RAB15: variants seen among roughly 807,000 people sequenced by gnomAD.
RAB15 encodes RAB15, member RAS oncogene family.
Under a neutral mutation model 31.8 loss-of-function variants are expected in RAB15, and 13 were observed. The observed-to-expected ratio is 0.41, with a 90% confidence interval of 0.27 to 0.65. The LOEUF is 0.65. RAB15 is among the 30% of genes least tolerant of loss of function. RAB15 has a pLI of 0.32. For synonymous variants in RAB15, 100 were observed against 105.6 expected, an observed-to-expected ratio of 0.95 and a Z score of 0.33; for missense variants, 220 against 277.3, an observed-to-expected ratio of 0.79 and a Z score of 1.47.
rs1016997961 is a variant in RAB15 at position 64,955,087 on chromosome 14, G to C, written c.125-2516C>G. 3.3e-5 allele frequency among the ~76,000 whole-genome samples: 5 copies of C among 152,130 alleles called. No individual in the cohort carries two copies. Among genetic ancestry groups the C allele is most frequent in the African/African-American group, 1.2e-4 (5 of 41,498 alleles). ...ATTCCGGGGCTCGCAGCACTCCCCG[G>C]CCTCACACACACCCCACCATCTTGC... On this transcript the variant is annotated intron_variant, in intron 1 of 6. Transcript: ENST00000533601. This position sits in a 1 kb window ranked among gnomAD's most constrained non-coding sequence, Gnocchi z 4.4.
intron 1 of RAB15, among the ~76,000 whole-genome samples, chr14:64,963,074 G>T (rs1296673377): frequency 6.6e-6 from 1 of 150,548 alleles, no homozygotes; most frequent in Non-Finnish European, 1.5e-5. Flanking sequence ...TAAGTATATG[G>T]AGTAGATAAT....
At chr14:64,967,605 A>G (rs2140002783) in intron 1 of RAB15, among the ~76,000 whole-genome samples, 1 of 150,340 alleles carries the variant, frequency 6.7e-6, no homozygotes, top group Admixed American at 6.6e-5. Flanking sequence ...AAAATAGAAA[A>G]GAAAAGAAAA....
chr14:64,953,960 AT>A lies in RAB15; in HGVS notation c.125-1390del. On this transcript the variant is annotated intron_variant, in intron 1 of 6. Transcript: ENST00000533601. This position sits in a 1 kb window ranked among gnomAD's most constrained non-coding sequence, Gnocchi z 4.6. ...CTGCCACTCCACCTCCGCATCAGTTATTTGCCAAATGGGAGACATCTTCCCT... is the reference window on the plus strand; with the variant it reads ...CTGCCACTCCACCTCCGCATCAGTTATTGCCAAATGGGAGACATCTTCCCT... 2.0e-6 allele frequency: 2 copies of A among 985,398 alleles called. No homozygotes were observed. Among genetic ancestry groups the A allele is most frequent in the Non-Finnish European group, 2.4e-6 (2 of 829,918 alleles). The allele number at this position is 985,398 out of a possible 1,614,324, so 61.0% of individuals were successfully genotyped here. A position where few individuals can be genotyped will look rare whatever the true frequency, so the allele number is the denominator to read the frequency against.
At chr14:64,965,382 C>T (rs1246268329) in intron 1 of RAB15, among the ~76,000 whole-genome samples, 1 of 152,048 alleles carries the variant, frequency 6.6e-6, no homozygotes, top group Non-Finnish European at 1.5e-5. Context: ...TCGCTTGAAC[C>T]CGGGAGACAG....
At chr14:64,967,186 C>A (rs948537181) in intron 1 of RAB15, among the ~76,000 whole-genome samples, 2 of 152,218 alleles carry the variant, frequency 1.3e-5, no homozygotes, top group Admixed American at 6.5e-5. Flanking sequence ...AACCAGATCA[C>A]CCTCCTCCTC....
chr14:64,964,567 CT>C (rs1158287066), intron 1 of RAB15, among the ~76,000 whole-genome samples: 1 of 150,936 alleles, frequency 6.6e-6, no homozygotes, highest in East Asian at 1.9e-4. Context: ...AAACAAACCA[CT>C]TTTTTTTGTT....
At position 64,953,405 on chromosome 14, in the gene RAB15, G is replaced by A. The variant is rs116752909; in HGVS notation, c.125-834C>T. Among the ~76,000 whole-genome samples the A allele has an allele frequency of 1.3e-3, 198 of 152,316 alleles. 1 individual carries two copies. Among genetic ancestry groups the A allele is most frequent in the African/African-American group, 4.6e-3 (191 of 41,566 alleles). On this transcript the variant is annotated intron_variant, in intron 1 of 6. Coordinates refer to ENST00000533601, the MANE Select transcript of RAB15 (RefSeq NM_001308154.2). This position sits in a 1 kb window ranked among gnomAD's most constrained non-coding sequence, Gnocchi z 4.6. The stretch of plus-strand genomic sequence containing the variant: ...TTGACTGCAGCTGTCATGAGCTAGT[G>A]CAGGGCCGGGTACATGCGGGTGCTT...
chr14:64,967,201 A>G (rs2140002042), intron 1 of RAB15, among the ~76,000 whole-genome samples: 1 of 152,322 alleles, frequency 6.6e-6, no homozygotes, highest in Middle Eastern at 3.4e-3. Context: ...CTCCTCACCC[A>G]GAAGGAGTGT....
At position 64,947,791 on chromosome 14, in the gene RAB15, G is replaced by C. The variant is rs995249508; in HGVS notation, c.*563C>G. On this transcript the variant is annotated 3_prime_UTR_variant, in exon 7 of 7. Transcript: ENST00000533601. This position sits in a 1 kb window ranked among gnomAD's most constrained non-coding sequence, Gnocchi z 5.6. ...AGCCTTTGGCCCACCCACGAGGCAGGGTGGAGGGTTCTTCCTGGATCCAAG... is the reference window on the plus strand; with the variant it reads ...AGCCTTTGGCCCACCCACGAGGCAGCGTGGAGGGTTCTTCCTGGATCCAAG... 1.3e-5 allele frequency: 2 copies of C among 152,426 alleles called. No individual in the cohort carries two copies. Among genetic ancestry groups the C allele is most frequent in the Non-Finnish European group, 2.9e-5 (2 of 68,190 alleles). 9.4% of individuals were successfully genotyped at this position (152,426 alleles called of 1,614,324 possible).
At chr14:64,956,422 AAAAG>A (rs1360210380) in intron 1 of RAB15, among the ~76,000 whole-genome samples, 28 of 151,684 alleles carry the variant, frequency 1.8e-4, no homozygotes, top group African/African-American at 6.1e-4. Flanking sequence ...AAAAAAAAAA[AAAAG>A]AAAAGAAAGG....
intron 1 of RAB15, among the ~76,000 whole-genome samples, chr14:64,969,821 CAGA>C (rs1396007980): frequency 2.6e-5 from 4 of 152,094 alleles, no homozygotes; most frequent in African/African-American, 9.7e-5. Flanking sequence ...CACCTATTAG[CAGA>C]AGGTGTCTAA....
chr14:64,970,117 G>A lies in RAB15; in HGVS notation c.124+1836C>T, dbSNP rs1473703054. Among the ~76,000 whole-genome samples the A allele has an allele frequency of 6.6e-6, 1 of 152,180 alleles. No individual in the cohort carries two copies. Among genetic ancestry groups the A allele is most frequent in the Non-Finnish European group, 1.5e-5 (1 of 68,028 alleles). ...TTGGAATGGGACTAGGAGAGCAGGTGCAAACAACAGCTCTTCAGGCCAAAG... is the reference window on the plus strand; with the variant it reads ...TTGGAATGGGACTAGGAGAGCAGGTACAAACAACAGCTCTTCAGGCCAAAG... On this transcript the variant is annotated intron_variant, in intron 1 of 6. Coordinates refer to ENST00000533601, the MANE Select transcript of RAB15 (RefSeq NM_001308154.2). The surrounding 1 kb of genome is among the most constrained non-coding windows in gnomAD (Gnocchi z 4.1).
chr14:64,954,559 G>C lies in RAB15; in HGVS notation c.125-1988C>G. On this transcript the variant is annotated intron_variant, in intron 1 of 6. Transcript: ENST00000533601. The surrounding 1 kb of genome is among the most constrained non-coding windows in gnomAD (Gnocchi z 4.3). ...TTTCCTTTATCCCACAAACATTTATGGGAACTTCCTATGTGCCCTGCACAG... is the reference window on the plus strand; with the variant it reads ...TTTCCTTTATCCCACAAACATTTATCGGAACTTCCTATGTGCCCTGCACAG... 1.0e-6 allele frequency: 1 copy of C among 980,664 alleles called. No homozygotes were observed. The highest frequency in any genetic ancestry group is 1.2e-6 in the Non-Finnish European group (1 of 825,584). The allele number at this position is 980,664 out of a possible 1,614,324, so 60.7% of individuals were successfully genotyped here. A position where few individuals can be genotyped will look rare whatever the true frequency, so the allele number is the denominator to read the frequency against.
At position 64,968,718 on chromosome 14, in the gene RAB15, CTG is replaced by C. The variant is rs2140004427; in HGVS notation, c.124+3233_124+3234del. Among the ~76,000 whole-genome samples, 1 of 152,352 alleles carries C rather than the reference CTG, an allele frequency of 6.6e-6. No individual in the cohort carries two copies. The highest frequency in any genetic ancestry group is 2.1e-4 in the South Asian group (1 of 4,820). ...AGACTGCAATATGTCTCTAAAATGC[CTG>C]GCACAGAGCTTGGTAGTGAATGCTC... On this transcript the variant is annotated intron_variant, in intron 1 of 6. Transcript: ENST00000533601. The surrounding 1 kb of genome is among the most constrained non-coding windows in gnomAD (Gnocchi z 4.9).
chr14:64,951,067 C>A lies in RAB15; in HGVS notation c.324+7G>T. The stretch of plus-strand genomic sequence containing the variant: ...CCACACCCCGGCAGTGAGGTGGCAT[C>A]TCCTACCTCATCCACGTCACTGACC... On this transcript the variant is annotated splice_region_variant and intron_variant, in intron 4 of 6. Coordinates refer to ENST00000533601, the MANE Select transcript of RAB15 (RefSeq NM_001308154.2). This position sits in a 1 kb window ranked among gnomAD's most constrained non-coding sequence, Gnocchi z 7.2. 1.2e-6 allele frequency: 2 copies of A among 1,613,084 alleles called. No individual in the cohort carries two copies. Among genetic ancestry groups the A allele is most frequent in the Non-Finnish European group, 1.7e-6 (2 of 1,179,844 alleles).
At chr14:64,969,314 C>T (rs1315240690) in intron 1 of RAB15, among the ~76,000 whole-genome samples, 1 of 152,208 alleles carries the variant, frequency 6.6e-6, no homozygotes, top group Non-Finnish European at 1.5e-5. Context: ...GATTTGTCTC[C>T]TGGCTGCCCC....
Position 64,951,589 on chromosome 14 carries a change from A to G in RAB15, c.246+14T>C, listed in dbSNP as rs1469886676. 4.3e-6 allele frequency: 7 copies of G among 1,613,140 alleles called. No individual in the cohort carries two copies. The highest frequency in any genetic ancestry group is 1.1e-5 in the South Asian group (1 of 91,064). On this transcript the variant is annotated intron_variant, in intron 3 of 6. Transcript: ENST00000533601. The surrounding 1 kb of genome is among the most constrained non-coding windows in gnomAD (Gnocchi z 7.2). The stretch of plus-strand genomic sequence containing the variant: ...GCAGCTTCCCACTTTGAAACCCCCA[A>G]TGTGGTGGCTTACCTGGGCCCGCCG...
In RAB15 at chr14:64,948,598, T is replaced by C; in HGVS notation, c.480+70A>G. The C allele has an allele frequency of 6.2e-7, 1 of 1,610,152 alleles. No homozygotes were observed. ...GCGGCCTGAGGGATAAGGTCCATCT[T>C]ATGGCTCCTCCTCCCACCTCTGCTG... On this transcript the variant is annotated intron_variant, in intron 6 of 6. Transcript: ENST00000533601. The surrounding 1 kb of genome is among the most constrained non-coding windows in gnomAD (Gnocchi z 7.0).
chr14:64,970,252 G>T lies in RAB15; in HGVS notation c.124+1701C>A, dbSNP rs894043629. On this transcript the variant is annotated intron_variant, in intron 1 of 6. Transcript: ENST00000533601. The surrounding 1 kb of genome is among the most constrained non-coding windows in gnomAD (Gnocchi z 4.1). The stretch of plus-strand genomic sequence containing the variant: ...TAGTTTCCTTAAGGGATAACCCACC[G>T]CCCTTTGTCCCTGAGCCCACAACCT... Among the ~76,000 whole-genome samples the T allele has an allele frequency of 6.6e-6, 1 of 152,134 alleles. No individual in the cohort carries two copies. The highest frequency in any genetic ancestry group is 1.5e-5 in the Non-Finnish European group (1 of 68,028).
Sources: allele counts gnomAD v4.1 joint callset (sites outside exome capture counted in the v4.1 genomes callset), GRCh38; gene constraint gnomAD v4.1.1; non-coding constraint Gnocchi (gnomAD v3.1); transcripts MANE v1.5; gene names NCBI Gene and HGNC (gene_info 2026-07-23, HGNC 2026-07-21).